MTUS2: variants seen among roughly 807,000 people sequenced by gnomAD.
MTUS2 encodes microtubule associated scaffold protein 2, also known as microtubule-associated tumor suppressor candidate 2.
In MTUS2, 40 loss-of-function variants were observed where a neutral mutation model predicts 114.1. The ratio of observed to expected loss-of-function variants is 0.35; its 90% confidence interval spans 0.27 to 0.46. The LOEUF (loss-of-function observed/expected upper bound fraction) is 0.46. MTUS2 is among the 20% of genes least tolerant of loss of function. The probability of loss-of-function intolerance (pLI) is 1.00; values close to 1 mark genes in which losing one functional copy is unlikely to be tolerated. For missense variants in MTUS2, 1,679 were observed against 1,705.4 expected (o/e 0.98, Z 0.27); for synonymous variants, 688 against 672.0 (o/e 1.02, Z -0.37).
intron 5 of MTUS2, among the ~76,000 whole-genome samples, chr13:29,181,349 G>A (rs1375907126): frequency 2.6e-5 from 4 of 152,172 alleles, no homozygotes; most frequent in African/African-American, 7.2e-5. Context: ...CATGAGGGCT[G>A]AGGTGGGGGC....
chr13:29,022,228 CT>C (rs1381786943), intron 2 of MTUS2, among the ~76,000 whole-genome samples: 1 of 152,046 alleles, frequency 6.6e-6, no homozygotes, highest in Non-Finnish European at 1.5e-5. Flanking sequence ...AGTTTACATG[CT>C]TATGTATAGA....
At chr13:29,050,267 G>T (rs1300314534) in intron 4 of MTUS2, among the ~76,000 whole-genome samples, 2 of 152,004 alleles carry the variant, frequency 1.3e-5, no homozygotes, top group African/African-American at 4.8e-5. Flanking sequence ...AGTTTTACCT[G>T]TTATGGTCAA....
intron 15 of MTUS2, among the ~76,000 whole-genome samples, chr13:29,502,582 A>G (rs1384615287): frequency 6.6e-6 from 1 of 152,262 alleles, no homozygotes; most frequent in Non-Finnish European, 1.5e-5. Context: ...TGGCAGTCTC[A>G]GGAAGGCCCG....
At chr13:29,045,938 T>G (rs1395306724) in intron 4 of MTUS2, among the ~76,000 whole-genome samples, 1 of 152,124 alleles carries the variant, frequency 6.6e-6, no homozygotes, top group Non-Finnish European at 1.5e-5. Context: ...AAACATCCCC[T>G]GACACATTTT....
intron 5 of MTUS2, among the ~76,000 whole-genome samples, chr13:29,146,941 TGTG>T (rs750804589): frequency 1.1e-4 from 16 of 152,184 alleles, no homozygotes; most frequent in Non-Finnish European, 1.5e-4. Context: ...TAATTGTTGT[TGTG>T]GTGTCAATTT....
intron 2 of MTUS2, among the ~76,000 whole-genome samples, chr13:28,914,178 T>C (rs1880616144): frequency 6.6e-6 from 1 of 152,014 alleles, no homozygotes. Flanking sequence ...GTTCTTTTAG[T>C]TGTGATGTTA....
intron 8 of MTUS2, among the ~76,000 whole-genome samples, chr13:29,363,372 A>G (rs1221279986): frequency 2.0e-5 from 3 of 152,144 alleles, no homozygotes; most frequent in Non-Finnish European, 4.4e-5. Flanking sequence ...GTGATTGTAG[A>G]TGATGGTTTT....
intron 5 of MTUS2, among the ~76,000 whole-genome samples, chr13:29,128,395 G>C (rs1034529609): frequency 1.3e-5 from 2 of 152,198 alleles, no homozygotes; most frequent in Admixed American, 6.5e-5. Context: ...CCCAGAGACA[G>C]ATGATGCAGA....
intron 2 of MTUS2, among the ~76,000 whole-genome samples, chr13:28,889,545 A>G (rs764658901): frequency 1.3e-5 from 2 of 152,168 alleles, no homozygotes; most frequent in African/African-American, 4.8e-5. Flanking sequence ...CTCTTTTTCA[A>G]GGATTCCACG....
chr13:29,138,273 G>T (rs1462340634), intron 5 of MTUS2, among the ~76,000 whole-genome samples: 2 of 152,012 alleles, frequency 1.3e-5, no homozygotes, highest in Non-Finnish European at 2.9e-5. Flanking sequence ...CCAGGAAGTT[G>T]TAAGCCTTCA....
intron 5 of MTUS2, among the ~76,000 whole-genome samples, chr13:29,105,398 T>C (rs1418411188): frequency 6.6e-6 from 1 of 152,142 alleles, no homozygotes; most frequent in Non-Finnish European, 1.5e-5. Context: ...ATAGAATAAT[T>C]TATGTGGAAG....
chr13:29,044,223 C>A (rs1887508270), intron 4 of MTUS2, among the ~76,000 whole-genome samples: 1 of 22,716 alleles, frequency 4.4e-5, no homozygotes, highest in Non-Finnish European at 1.2e-4. Flanking sequence ...AGAATCCAAG[C>A]TGGCATTTTT....
At chr13:29,149,200 C>T (rs150919919) in intron 5 of MTUS2, among the ~76,000 whole-genome samples, 3,217 of 152,194 alleles carry the variant, frequency 0.021, 103 homozygotes, top group African/African-American at 0.073. Context: ...CTGTTGTTTC[C>T]TGACTTTTTA....
At chr13:29,005,962 T>A (rs1228971153) in intron 2 of MTUS2, among the ~76,000 whole-genome samples, 1 of 152,260 alleles carries the variant, frequency 6.6e-6, no homozygotes, top group African/African-American at 2.4e-5. Context: ...ACAATTCTTT[T>A]CTTATCTGAT....
intron 2 of MTUS2, among the ~76,000 whole-genome samples, chr13:28,867,570 C>T (rs982806362): frequency 6.6e-6 from 1 of 152,150 alleles, no homozygotes; most frequent in South Asian, 2.1e-4. Context: ...AAGATTAAAG[C>T]TTTTCATATT....
chr13:29,442,634 A>ACATGGCATCCCC (rs11273920), intron 9 of MTUS2, among the ~76,000 whole-genome samples: 1 of 152,152 alleles, frequency 6.6e-6, no homozygotes, highest in African/African-American at 2.4e-5. Flanking sequence ...CCAAACCAGC[A>ACATGGCATCCCC]CAGGGAGGCA....
At chr13:29,318,401 T>TTTTC (rs1404823735) in intron 6 of MTUS2, among the ~76,000 whole-genome samples, 5 of 151,162 alleles carry the variant, frequency 3.3e-5, no homozygotes, top group African/African-American at 9.7e-5. Flanking sequence ...CTTTTTTTTT[T>TTTTC]TGAGATGACA....
intron 5 of MTUS2, among the ~76,000 whole-genome samples, chr13:29,252,096 T>G (rs956813769): frequency 5.3e-5 from 8 of 152,202 alleles, no homozygotes; most frequent in Non-Finnish European, 1.0e-4. Flanking sequence ...GAAATAAAAC[T>G]GATTTGCCTT....
chr13:28,893,459 G>T (rs193174228), intron 2 of MTUS2, among the ~76,000 whole-genome samples: 1 of 152,128 alleles, frequency 6.6e-6, no homozygotes, highest in African/African-American at 2.4e-5. Flanking sequence ...CCTGAGTGCC[G>T]AAGGTAAAGC....
Sources: gnomAD v4.1 joint callset for allele counts (sites outside exome capture counted in the v4.1 genomes callset) on GRCh38, gnomAD v4.1.1 for gene constraint, MANE v1.5 for transcripts, NCBI Gene and HGNC (gene_info 2026-07-23, HGNC 2026-07-21) for gene names.